Variants in MYH14 observed in about 807,000 individuals in gnomAD.
MYH14 encodes the protein myosin heavy chain 14.
In MYH14, 123 loss-of-function variants were observed where a neutral mutation model predicts 255.5. That is an observed-to-expected ratio of 0.48 (90% CI 0.42 to 0.56). The LOEUF (loss-of-function observed/expected upper bound fraction) is 0.56, where lower values mean the gene tolerates loss of function less well. MYH14 is among the 20% of genes least tolerant of loss of function. The pLI is 0.00. For missense variants in MYH14, 2,423 were observed against 2,802.3 expected (o/e 0.86, Z 3.06); for synonymous variants, 1,095 against 1,161.2 (o/e 0.94, Z 1.16).
chr19:50,223,509 CAG>C, intron 5 of MYH14, 160 bp downstream of exon 5: 1 of 656,920 alleles, frequency 1.5e-6, no homozygotes. Flanking sequence ...GGGCTGGAAG[CAG>C]AGTCAGGGGG....
rs927427933 is a variant in MYH14, at chr19:50,221,168, G to A, written c.563-1915G>A. On this transcript the variant is annotated intron_variant, in intron 3 of 42. Coordinates refer to ENST00000642316, the MANE Select transcript of MYH14 (RefSeq NM_001145809.2). This position sits in a 1 kb window ranked among gnomAD's most constrained non-coding sequence, Gnocchi z 5.3. ...TGTGTGTTATATTTCCTCCTGTGCC[G>A]TGCACTGTGCTGAGTGCATTTTGAG... is the stretch of plus-strand genomic sequence containing the variant. Among the ~76,000 whole-genome samples, 3 of 152,070 alleles carry A rather than the reference G, an allele frequency of 2.0e-5. No individual in the cohort carries two copies. The highest frequency in any genetic ancestry group is 2.1e-4 in the South Asian group (1 of 4,824).
At position 50,307,156 on chromosome 19, in the gene MYH14, A is replaced by G; in HGVS notation, c.5786A>G (p.Gln1929Arg). Residue 1929 changes from glutamine (Q) to arginine (R), a missense_variant and splice_region_variant, in exon 41 of 43, where the codon CAG becomes CGG. Around this residue, in one of 3 missense-constraint regions of MYH14, gnomAD observed 1,513 missense variants for 1,674.8 expected, o/e 0.90. Transcript: ENST00000642316. ...ERRVADQLRD[Q>R]LEKGNLRVKQ... Reference sequence around the variant, plus strand: ...AGGGTGGCTGACCAGCTCCGGGACCAGGTAAGCAGCTGGCATCATTAGGGA... The same window carrying G: ...AGGGTGGCTGACCAGCTCCGGGACCGGGTAAGCAGCTGGCATCATTAGGGA... 6.5e-7 allele frequency: 1 copy of G among 1,540,034 alleles called. No individual in the cohort carries two copies. Among genetic ancestry groups the G allele is most frequent in the Non-Finnish European group, 8.8e-7 (1 of 1,138,462 alleles).
At chr19:50,270,287 G>A (rs984887463) in intron 24 of MYH14, among the ~76,000 whole-genome samples, 1 of 152,106 alleles carries the variant, frequency 6.6e-6, no homozygotes, top group African/African-American at 2.4e-5. Flanking sequence ...GGGAGGCCGA[G>A]GTTGGTGGAT....
chr19:50,217,929 GT>G (rs2032577359), intron 3 of MYH14, among the ~76,000 whole-genome samples, 158 bp downstream of exon 3: 2 of 152,204 alleles, frequency 1.3e-5, no homozygotes, highest in South Asian at 4.1e-4. Context: ...AGAGGCCTGA[GT>G]GGGTGAGGTG....
intron 39 of MYH14, among the ~76,000 whole-genome samples, chr19:50,296,188 C>T (rs2036260000): frequency 6.6e-6 from 1 of 152,008 alleles, no homozygotes; most frequent in African/African-American, 2.4e-5. Flanking sequence ...TTCACGTGAA[C>T]TGGTGATGTA....
chr19:50,284,724 T>G (rs1301856660), intron 33 of MYH14: 3 of 151,760 alleles, frequency 2.0e-5, no homozygotes, highest in Non-Finnish European at 2.9e-5. Flanking sequence ...TCTTCCAGTT[T>G]CAAGTTTACA....
rs888923562 is a variant in MYH14, at chr19:50,280,426, C to G, written c.4290+43C>G. 5 of 1,478,098 alleles carry G rather than the reference C, an allele frequency of 3.4e-6. No individual in the cohort carries two copies. Among genetic ancestry groups the G allele is most frequent in the Admixed American group, 2.3e-5 (1 of 43,598 alleles). The allele number at this position is 1,478,098 out of a possible 1,614,324, so 91.6% of individuals were successfully genotyped here. ...AGACCTTCAGGGAGGCACAGCCCCC[C>G]TCACTGCTCCTCCTGGGTTCCCCAG... On this transcript the variant is annotated intron_variant, in intron 32 of 42. Coordinates refer to ENST00000642316, the MANE Select transcript of MYH14 (RefSeq NM_001145809.2). The surrounding 1 kb of genome is among the most constrained non-coding windows in gnomAD (Gnocchi z 4.8).
chr19:50,281,430 A>G (rs934407531), intron 32 of MYH14, among the ~76,000 whole-genome samples, 164 bp from the exon 33 acceptor site: 1 of 152,344 alleles, frequency 6.6e-6, no homozygotes, highest in South Asian at 2.1e-4. Context: ...TAGGGCTCAT[A>G]GTATTCACAA....
At chr19:50,295,216 T>C (rs2036225391) in intron 39 of MYH14, among the ~76,000 whole-genome samples, 1 of 151,650 alleles carries the variant, frequency 6.6e-6, no homozygotes, top group Admixed American at 6.6e-5. Context: ...TCCCAGCTAC[T>C]CGGGAGGCTG....
Position 50,268,324 on chromosome 19 carries a change from G to A in MYH14, c.2990G>A (p.Arg997His), listed in dbSNP as rs747892579. The change falls in exon 24 of 43, where the codon CGT becomes CAT. Residue 997 changes from arginine (R) to histidine (H), a missense_variant. Arg to His is a conservative substitution (Grantham distance 29). Transcript: ENST00000642316. ...GTGGGCGAGGAGGAGGAGTGCAGCC[G>A]TCAAATGCAAACCGAGAAGAAGAGG... Reference protein sequence around the residue: ...ARVGEEEECSRQMQTEKKRLQ... With the variant: ...ARVGEEEECSHQMQTEKKRLQ... The A allele has an allele frequency of 1.1e-5, 18 of 1,587,728 alleles. No individual in the cohort carries two copies. Among genetic ancestry groups the A allele is most frequent in the African/African-American group, 6.7e-5 (5 of 74,326 alleles).
At position 50,230,382 on chromosome 19, in the gene MYH14, G is replaced by A; in HGVS notation, c.875-143G>A. On this transcript the variant is annotated intron_variant, in intron 8 of 42. Transcript: ENST00000642316. The surrounding 1 kb of genome is among the most constrained non-coding windows in gnomAD (Gnocchi z 4.7). Reference sequence around the variant, plus strand: ...AGCACGGCTGCTCTTCCAGTTAGTGGCAAAGTCACCAGCCTGGGCTGTGAG... The same window carrying A: ...AGCACGGCTGCTCTTCCAGTTAGTGACAAAGTCACCAGCCTGGGCTGTGAG... The A allele has an allele frequency of 1.4e-6, 1 of 700,524 alleles. No homozygotes were observed. 43.4% of individuals were successfully genotyped at this position (700,524 alleles called of 1,614,324 possible).
At chr19:50,215,890 G>A (rs1178593528) in intron 2 of MYH14, among the ~76,000 whole-genome samples, 7 of 152,206 alleles carry the variant, frequency 4.6e-5, no homozygotes, top group Admixed American at 6.5e-5. Flanking sequence ...GACTAGCAGA[G>A]TAGGTTACCC....
chr19:50,225,566 C>T lies in MYH14; in HGVS notation c.718-19C>T. 1.2e-6 allele frequency: 2 copies of T among 1,607,754 alleles called. No homozygotes were observed. The highest frequency in any genetic ancestry group is 1.7e-6 in the Non-Finnish European group (2 of 1,176,590). On this transcript the variant is annotated intron_variant, in intron 6 of 42. Transcript: ENST00000642316. ...CCCCATTCTCACTGACCTCATGCATCATCTCCTGTGCCCGGCAGGGTGAGC... is the reference window on the plus strand; with the variant it reads ...CCCCATTCTCACTGACCTCATGCATTATCTCCTGTGCCCGGCAGGGTGAGC...
At chr19:50,219,754 T>C (rs1264229591) in intron 3 of MYH14, among the ~76,000 whole-genome samples, 1 of 150,862 alleles carries the variant, frequency 6.6e-6, no homozygotes, top group African/African-American at 2.5e-5. Flanking sequence ...CATGACAACA[T>C]AGATCAGTCC....
chr19:50,300,771 A>C (rs1333433020), intron 39 of MYH14, among the ~76,000 whole-genome samples: 5 of 152,144 alleles, frequency 3.3e-5, no homozygotes, highest in African/African-American at 7.2e-5. Context: ...AAAATAAAAT[A>C]AAATTAGCAG....
In MYH14 at chr19:50,255,269, GC is replaced by G. The variant is rs1226731870; in HGVS notation, c.2000del (p.Pro667GlnfsTer25). 1 of 1,551,140 alleles carries G rather than the reference GC, an allele frequency of 6.4e-7. No individual in the cohort carries two copies. Among genetic ancestry groups the G allele is most frequent in the Non-Finnish European group, 8.7e-7 (1 of 1,146,936 alleles). Reference protein sequence around the residue: ...FSFLGSFPPSPPGSAERCSSA... With the variant: ...FSFLGSFPPSXPGSAERCSSA... ...CTTTCCTTGGCTCCTTCCCACCGTC[GC>G]CCCCAGGATCTGCAGAGAGGTGCAG... is the stretch of plus-strand genomic sequence containing the variant. On this transcript the variant is annotated frameshift_variant, in exon 17 of 43. Transcript: ENST00000642316. LOFTEE classifies it high-confidence loss of function.
rs2032557761 is a variant in MYH14, at chr19:50,217,679, C to A, written c.470C>A (p.Ala157Asp). ...AAGCAGCTTCCCATCTACACAGAAG[C>A]CATTGTGGAGATGTACCGGGGCAAG... ...PYKQLPIYTEAIVEMYRGKKR... is the reference protein window; with the variant it reads ...PYKQLPIYTEDIVEMYRGKKR... The change falls in exon 3 of 43, where the codon GCC becomes GAC. Residue 157 changes from alanine to aspartate, a missense_variant. Physicochemically the swap from Ala to Asp is moderately radical, Grantham distance 126. Around this residue, in one of 3 missense-constraint regions of MYH14, gnomAD observed 238 missense variants for 245.8 expected, o/e 0.97. Transcript: ENST00000642316. 1.9e-6 allele frequency: 3 copies of A among 1,614,020 alleles called. No homozygotes were observed. Among genetic ancestry groups the A allele is most frequent in the Non-Finnish European group, 2.5e-6 (3 of 1,179,898 alleles).
chr19:50,278,992 T>TAAG (rs771271294), intron 30 of MYH14, among the ~76,000 whole-genome samples: 5 of 151,838 alleles, frequency 3.3e-5, no homozygotes, highest in Non-Finnish European at 7.4e-5. Context: ...CCATCTCCAA[T>TAAG]AATAATAATA....
At chr19:50,247,160 C>T (rs779089654) in intron 12 of MYH14, 38 bp downstream of exon 12, 18 of 1,467,612 alleles carry the variant, frequency 1.2e-5, no homozygotes, top group Non-Finnish European at 1.6e-5. Flanking sequence ...CAGAAAGAGC[C>T]GCGCACCCCG....
Sources: allele counts gnomAD v4.1 joint callset (sites outside exome capture counted in the v4.1 genomes callset), GRCh38; gene constraint gnomAD v4.1.1; regional missense constraint gnomAD v4.1.1; non-coding constraint Gnocchi (gnomAD v3.1); transcripts MANE v1.5; gene names NCBI Gene and HGNC (gene_info 2026-07-23, HGNC 2026-07-21).